DOK6: variants seen among roughly 807,000 people sequenced by gnomAD.
DOK6 encodes downstream of tyrosine kinase 6.
A neutral mutation model predicts 44.0 loss-of-function variants in DOK6; 22 were observed. The observed-to-expected ratio is 0.50, with a 90% CI of 0.36 to 0.71. The LOEUF is 0.71. Among genes scored for constraint, DOK6 ranks in the 30% least tolerant of loss-of-function variants. The pLI, the probability that DOK6 is intolerant of heterozygous loss-of-function variation, is 0.00. For missense variants in DOK6, 340 were observed against 416.4 expected, an observed-to-expected ratio of 0.82 and a Z score of 1.60; for synonymous variants, 166 against 145.5, an observed-to-expected ratio of 1.14 and a Z score of -1.01.
At chr18:69,412,778 A>G (rs1978311833) in intron 1 of DOK6, among the ~76,000 whole-genome samples, 1 of 152,180 alleles carries the variant, frequency 6.6e-6, no homozygotes, top group African/African-American at 2.4e-5. Context: ...GAAGGTAGCA[A>G]ATAAGGTCTT....
intron 1 of DOK6, among the ~76,000 whole-genome samples, chr18:69,537,169 C>T (rs1452664703): frequency 6.6e-6 from 1 of 152,020 alleles, no homozygotes; most frequent in Non-Finnish European, 1.5e-5. Context: ...TCAAGTAAGA[C>T]ATAAAATTAT....
rs185868045 is a variant in DOK6, at chr18:69,696,408, A to C, written c.410-1996A>C. 3.3e-3 allele frequency among the ~76,000 whole-genome samples: 509 copies of C among 152,350 alleles called. 1 individual carries two copies. The highest frequency in any genetic ancestry group is 0.014 in the Middle Eastern group (4 of 294). On this transcript the variant is annotated intron_variant, in intron 4 of 7. Coordinates refer to ENST00000382713, the MANE Select transcript of DOK6 (RefSeq NM_152721.6). ...TCAAGGGTCAATACAGCCATAAGCA[A>C]CAATAATACTGGTTAATGATGTTTA...
intron 5 of DOK6, among the ~76,000 whole-genome samples, chr18:69,709,939 G>T (rs1405267923): frequency 6.6e-6 from 1 of 152,116 alleles, no homozygotes; most frequent in Non-Finnish European, 1.5e-5. Context: ...CACTTTCAGA[G>T]GCCAAGGCTG....
At chr18:69,473,013 A>G (rs1346383651) in intron 1 of DOK6, among the ~76,000 whole-genome samples, 2 of 152,238 alleles carry the variant, frequency 1.3e-5, no homozygotes, top group African/African-American at 4.8e-5. Context: ...GCTAATATGT[A>G]AGTTAGAGAG....
At position 69,710,994 on chromosome 18, in the gene DOK6, CT is replaced by C. The variant is rs1362602449; in HGVS notation, c.599+12404del. ...TGCTGATCTTAGATCTGCCCTCTAG[CT>C]TTGGTTTGTCTGCTGTTACTCTTCA... On this transcript the variant is annotated intron_variant, in intron 5 of 7. Coordinates refer to ENST00000382713, the MANE Select transcript of DOK6 (RefSeq NM_152721.6). Among the ~76,000 whole-genome samples, 9 of 152,148 alleles carry C rather than the reference CT, an allele frequency of 5.9e-5. No individual in the cohort carries two copies. The East Asian group carries it at 1.7e-3, about 29-fold the overall frequency.
At chr18:69,808,557 GA>G (rs1215865908) in intron 7 of DOK6, among the ~76,000 whole-genome samples, 1 of 151,582 alleles carries the variant, frequency 6.6e-6, no homozygotes, top group African/African-American at 2.4e-5. Flanking sequence ...GAGAAACAGA[GA>G]AGAGACTCAA....
chr18:69,466,001 C>G (rs1979915263), intron 1 of DOK6, among the ~76,000 whole-genome samples: 1 of 152,124 alleles, frequency 6.6e-6, no homozygotes, highest in Non-Finnish European at 1.5e-5. Context: ...TAAACTTTCA[C>G]CTGACATACT....
At chr18:69,692,083 G>A (rs566068112) in intron 4 of DOK6, among the ~76,000 whole-genome samples, 6 of 152,260 alleles carry the variant, frequency 3.9e-5, no homozygotes, top group African/African-American at 1.4e-4. Flanking sequence ...AAAGTCAAAA[G>A]CAAAAGAAAG....
intron 7 of DOK6, among the ~76,000 whole-genome samples, chr18:69,780,172 C>T (rs958081209): frequency 6.6e-6 from 1 of 152,112 alleles, no homozygotes; most frequent in African/African-American, 2.4e-5. Context: ...GATTTTTCTT[C>T]GTATTTTTGG....
At chr18:69,531,557 G>A (rs1428201997) in intron 1 of DOK6, among the ~76,000 whole-genome samples, 4 of 151,744 alleles carry the variant, frequency 2.6e-5, no homozygotes, top group East Asian at 1.9e-4. Flanking sequence ...CAGCCATTAA[G>A]AGCCAAAGCC....
intron 3 of DOK6, among the ~76,000 whole-genome samples, chr18:69,634,115 T>C (rs577863578): frequency 6.6e-6 from 1 of 151,954 alleles, no homozygotes; most frequent in Non-Finnish European, 1.5e-5. Flanking sequence ...TCTAAAAAAT[T>C]AGTCCAAACA....
chr18:69,567,692 A>T (rs1479412600), intron 2 of DOK6, among the ~76,000 whole-genome samples: 1 of 152,194 alleles, frequency 6.6e-6, no homozygotes. Context: ...CTGACAGTAT[A>T]ATTCTCCCAC....
intron 2 of DOK6, among the ~76,000 whole-genome samples, chr18:69,582,074 T>G (rs1201187628): frequency 3.3e-5 from 5 of 152,138 alleles, no homozygotes; most frequent in African/African-American, 1.2e-4. Context: ...CAGAGGAAAC[T>G]TTTTTTAATG....
intron 1 of DOK6, among the ~76,000 whole-genome samples, chr18:69,538,160 T>C (rs535125337): frequency 6.6e-6 from 1 of 152,266 alleles, no homozygotes; most frequent in Non-Finnish European, 1.5e-5. Flanking sequence ...ATTTTGAGAA[T>C]AGAAATGTTA....
chr18:69,519,204 A>G (rs1034782907), intron 1 of DOK6, among the ~76,000 whole-genome samples: 8 of 152,068 alleles, frequency 5.3e-5, no homozygotes, highest in African/African-American at 1.9e-4. Flanking sequence ...TATGCCATGA[A>G]TCACTAGAAT....
chr18:69,507,194 AT>A (rs1271993038), intron 1 of DOK6, among the ~76,000 whole-genome samples: 1 of 151,776 alleles, frequency 6.6e-6, no homozygotes, highest in Non-Finnish European at 1.5e-5. Context: ...TGGCTTGCTA[AT>A]TTTTTGTATT....
intron 2 of DOK6, among the ~76,000 whole-genome samples, chr18:69,588,721 G>GTCCC (rs1983560534): frequency 6.6e-6 from 1 of 152,072 alleles, no homozygotes; most frequent in Non-Finnish European, 1.5e-5. Context: ...TAAGAGTGAA[G>GTCCC]GAATTGGAGC....
At chr18:69,639,736 G>A (rs920262140) in intron 3 of DOK6, among the ~76,000 whole-genome samples, 2 of 151,988 alleles carry the variant, frequency 1.3e-5, no homozygotes, top group African/African-American at 4.8e-5. Flanking sequence ...GAGGAAATAA[G>A]GGGAAAGGAA....
chr18:69,444,975 G>A (rs968554795), intron 1 of DOK6, among the ~76,000 whole-genome samples: 6 of 151,864 alleles, frequency 4.0e-5, no homozygotes, highest in Non-Finnish European at 5.9e-5. Context: ...AACATATAAT[G>A]CCTTTCTATT....
Sources: allele counts gnomAD v4.1 joint callset (sites outside exome capture counted in the v4.1 genomes callset), GRCh38; gene constraint gnomAD v4.1.1; transcripts MANE v1.5; gene names NCBI Gene and HGNC (gene_info 2026-07-23, HGNC 2026-07-21).